The following MTHFD1 variants were observed in gnomAD, a reference collection of about 807,000 sequenced individuals.
MTHFD1 encodes the protein methylenetetrahydrofolate dehydrogenase, cyclohydrolase and formyltetrahydrofolate synthetase 1.
A neutral mutation model predicts 110.3 loss-of-function variants in MTHFD1; 44 were observed. The ratio of observed to expected loss-of-function variants is 0.40; its 90% confidence interval spans 0.31 to 0.51. MTHFD1 has a LOEUF of 0.51. MTHFD1 is among the 20% of genes least tolerant of loss of function. The probability of loss-of-function intolerance (pLI) is 0.60; values close to 1 mark genes in which losing one functional copy is unlikely to be tolerated. For missense variants in MTHFD1, 909 were observed against 1,173.1 expected, an observed-to-expected ratio of 0.77 and a Z score of 3.29; for synonymous variants, 402 against 428.8, an observed-to-expected ratio of 0.94 and a Z score of 0.77.
intron 8 of MTHFD1, among the ~76,000 whole-genome samples, chr14:64,420,127 G>A (rs963176161): frequency 1.3e-5 from 2 of 152,164 alleles, no homozygotes; most frequent in African/African-American, 4.8e-5. Flanking sequence ...CAGAGCCTTT[G>A]ATTTTCATCA....
chr14:64,440,497 G>C (rs746471043), intron 18 of MTHFD1: 1 of 579,994 alleles, frequency 1.7e-6, no homozygotes, highest in Non-Finnish European at 3.2e-6. Context: ...CAGATGATTT[G>C]AGTAACATCT....
chr14:64,425,079 A>G, intron 9 of MTHFD1, 148 bp downstream of exon 9: 1 of 1,014,864 alleles, frequency 9.9e-7, no homozygotes, highest in Non-Finnish European at 1.5e-6. Context: ...TAGAGAAATA[A>G]GATCAGGCAC....
chr14:64,395,787 GGAT>G (rs1253112439), intron 1 of MTHFD1, among the ~76,000 whole-genome samples: 1 of 152,120 alleles, frequency 6.6e-6, no homozygotes, highest in Non-Finnish European at 1.5e-5. Context: ...CCATAACAAA[GGAT>G]GATCTGGTCC....
chr14:64,388,815 C>T (rs957828399), intron 1 of MTHFD1: 4 of 456,656 alleles, frequency 8.8e-6, no homozygotes, highest in African/African-American at 7.8e-5. Context: ...ACTTAATTCC[C>T]GTTAATTTGG....
chr14:64,432,667 G>A (rs1274919009), intron 15 of MTHFD1, among the ~76,000 whole-genome samples: 1 of 152,232 alleles, frequency 6.6e-6, no homozygotes, highest in Non-Finnish European at 1.5e-5. Flanking sequence ...AAACTATAGT[G>A]CTAGGGAACA....
At chr14:64,429,949 A>T (rs1386102857) in intron 12 of MTHFD1, among the ~76,000 whole-genome samples, 1 of 152,240 alleles carries the variant, frequency 6.6e-6, no homozygotes, top group Non-Finnish European at 1.5e-5. Flanking sequence ...TACAAGGAAC[A>T]TATTTCTAAA....
intron 6 of MTHFD1, among the ~76,000 whole-genome samples, chr14:64,416,316 A>G (rs1192106368): frequency 6.6e-6 from 1 of 152,208 alleles, no homozygotes; most frequent in Non-Finnish European, 1.5e-5. Context: ...CTGGGAGACA[A>G]CGGAACCAAG....
At chr14:64,396,127 TATA>T (rs1224793383) in intron 1 of MTHFD1, among the ~76,000 whole-genome samples, 9 of 152,166 alleles carry the variant, frequency 5.9e-5, no homozygotes, top group Admixed American at 5.2e-4. Flanking sequence ...TGGGTTAAAT[TATA>T]ATAATTTTTT....
At chr14:64,434,396 T>C (rs1356826821) in intron 15 of MTHFD1, among the ~76,000 whole-genome samples, 1 of 151,726 alleles carries the variant, frequency 6.6e-6, no homozygotes, top group Non-Finnish European at 1.5e-5. Context: ...ACAAAAAAAT[T>C]TAAAAACGAG....
intron 18 of MTHFD1, 101 bp from the exon 19 acceptor site, chr14:64,441,284 A>T: frequency 9.0e-7 from 1 of 1,106,930 alleles, no homozygotes; most frequent in Non-Finnish European, 1.4e-6. Context: ...CAATTGGTCC[A>T]AGATGGCTAA....
rs2078052394 is a variant in MTHFD1, at chr14:64,419,417, G to GGGGAGAGAGC, written c.616-396_616-387dup. ...GTTGACAGTGCAGTCTCTTAAATGT[G>GGGGAGAGAGC]GGGAGAGAGCAGGAGAGAGGCCTAG... On this transcript the variant is annotated intron_variant, in intron 7 of 27. Transcript: ENST00000652337. Among the ~76,000 whole-genome samples the GGGGAGAGAGC allele has an allele frequency of 2.0e-5, 3 of 152,204 alleles. No individual in the cohort carries two copies. The South Asian group carries it at 6.2e-4, about 32-fold the overall frequency.
chr14:64,435,651 A>C lies in MTHFD1; in HGVS notation c.1577A>C (p.Glu526Ala), dbSNP rs896949532. ...NRFARLDIDP[E>A]TITWQRVLDT... is the part of the protein sequence containing the mutation. ...TTTGCAAGATTGGACATTGATCCAG[A>C]AACCATAACTTGGCAAAGAGGTACC... Residue 526 changes from glutamate to alanine, a missense_variant, in exon 16 of 28, where the codon GAA becomes GCA. This residue lies in a region of MTHFD1 where 482 missense variants were observed against 646.0 expected (regional missense o/e 0.75). Transcript: ENST00000652337. 6.2e-6 allele frequency: 10 copies of C among 1,610,560 alleles called. No homozygotes were observed. Among genetic ancestry groups the C allele is most frequent in the Non-Finnish European group, 8.5e-6 (10 of 1,176,846 alleles).
Position 64,454,770 on chromosome 14 carries a change from G to T in MTHFD1, c.2613G>T (p.Leu871Phe). The T allele has an allele frequency of 6.2e-7, 1 of 1,613,994 alleles. No homozygotes were observed. The highest frequency in any genetic ancestry group is 8.5e-7 in the Non-Finnish European group (1 of 1,179,894). The change falls in exon 26 of 28, where the codon TTG becomes TTT. Residue 871 changes from leucine (L) to phenylalanine (F), a missense_variant. Leu to Phe is a conservative substitution (Grantham distance 22). Coordinates refer to ENST00000652337, the MANE Select transcript of MTHFD1 (RefSeq NM_005956.4). ...PICMAKTHLS[L>F]SHNPEQKGVP... ...GCATGGCTAAAACACACTTGTCTTT[G>T]TCTCACAACCCAGAGCAAAAAGGTG... is the stretch of plus-strand genomic sequence containing the variant.
chr14:64,434,934 A>C (rs1328327531), intron 15 of MTHFD1, among the ~76,000 whole-genome samples: 1 of 142,200 alleles, frequency 7.0e-6, no homozygotes, highest in African/African-American at 2.6e-5. Context: ...GACTACGTGA[A>C]GCTCTCCCTC....
At chr14:64,413,695 G>A (rs1296910296) in intron 4 of MTHFD1, among the ~76,000 whole-genome samples, 1 of 152,150 alleles carries the variant, frequency 6.6e-6, no homozygotes, top group Non-Finnish European at 1.5e-5. Context: ...TGTATTGTAA[G>A]GTGCAAATTA....
chr14:64,412,358 TA>T, intron 3 of MTHFD1, 113 bp from the exon 4 acceptor site: 1 of 798,072 alleles, frequency 1.3e-6, no homozygotes, highest in Non-Finnish European at 2.2e-6. Context: ...TCAGAACATA[TA>T]AGGGTGAAAT....
rs1321940006 is a variant in MTHFD1, at chr14:64,448,154, A to G, written c.2179-63A>G. 1.2e-5 allele frequency: 15 copies of G among 1,246,030 alleles called. No homozygotes were observed. In the African/African-American group the frequency reaches 2.2e-4, roughly 18 times the overall value. The allele number at this position is 1,246,030 out of a possible 1,614,324, so 77.2% of individuals were successfully genotyped here. A position where few individuals can be genotyped will look rare whatever the true frequency, so the allele number is the denominator to read the frequency against. Reference sequence around the variant, plus strand: ...GCTCAAGGAGGTTGTTTGCCTTTGAAGAAGAACCTGCAGTGGTTTTCAACT... The same window carrying G: ...GCTCAAGGAGGTTGTTTGCCTTTGAGGAAGAACCTGCAGTGGTTTTCAACT... On this transcript the variant is annotated intron_variant, in intron 22 of 27. Transcript: ENST00000652337.
chr14:64,416,479 G>A (rs2078027779), intron 6 of MTHFD1, among the ~76,000 whole-genome samples: 1 of 151,960 alleles, frequency 6.6e-6, no homozygotes, highest in African/African-American at 2.4e-5. Flanking sequence ...TCCAGGACTC[G>A]ACAGATGGCT....
chr14:64,454,311 C>T (rs2078428661), intron 25 of MTHFD1, among the ~76,000 whole-genome samples: 1 of 152,092 alleles, frequency 6.6e-6, no homozygotes, highest in Admixed American at 6.5e-5. Flanking sequence ...TGGGGTTTTG[C>T]CCTGTTGCCC....
Sources: gnomAD v4.1 joint callset for allele counts (sites outside exome capture counted in the v4.1 genomes callset) on GRCh38, gnomAD v4.1.1 for gene constraint, gnomAD v4.1.1 regional missense constraint, MANE v1.5 for transcripts, NCBI Gene and HGNC (gene_info 2026-07-23, HGNC 2026-07-21) for gene names.